FLNC: variants seen among roughly 807,000 people sequenced by gnomAD.
FLNC encodes filamin-C.
Under a neutral mutation model 254.3 loss-of-function variants are expected in FLNC, and 91 were observed. The observed-to-expected ratio is 0.36, with a 90% CI of 0.30 to 0.43. The LOEUF is 0.43. Among genes scored for constraint, FLNC ranks in the 20% least tolerant of loss-of-function variants. The pLI, the probability that FLNC is intolerant of heterozygous loss-of-function variation, is 1.00. For synonymous variants in FLNC, 1,430 were observed against 1,577.2 expected (o/e 0.91, Z 2.21); for missense variants, 2,853 against 3,802.6 (o/e 0.75, Z 6.57).
intron 38 of FLNC, 31 bp from the exon 39 acceptor site, chr7:128,853,684 G>T (rs547309366): frequency 1.9e-6 from 3 of 1,613,948 alleles, no homozygotes; most frequent in Admixed American, 1.7e-5. Flanking sequence ...GGGCTCTGAG[G>T]TTCCTGACCC....
In FLNC at chr7:128,856,701, G is replaced by A. The variant is rs1211859485; in HGVS notation, c.7385-44G>A. 3.7e-6 allele frequency: 6 copies of A among 1,613,972 alleles called. No individual in the cohort carries two copies. The highest frequency in any genetic ancestry group is 1.1e-5 in the South Asian group (1 of 91,082). On this transcript the variant is annotated intron_variant, in intron 44 of 47. Coordinates refer to ENST00000325888, the MANE Select transcript of FLNC (RefSeq NM_001458.5). The surrounding 1 kb of genome is among the most constrained non-coding windows in gnomAD (Gnocchi z 5.9). ...TCCCTTCCGGGCTGGGGCCTTCTGG[G>A]GAGGGGAAGGATGGAGGCTAAGCCA...
chr7:128,838,351 G>A lies in FLNC; in HGVS notation c.1132G>A (p.Val378Met). Reference protein sequence around the residue: ...VGMALGDANKVSARGPGLEPV... With the variant: ...VGMALGDANKMSARGPGLEPV... ...CATGGCCCTGGGAGATGCCAACAAG[G>A]TGTCAGCCCGTGGCCCTGGCCTGGA... The change falls in exon 7 of 48, where the codon GTG (valine) becomes ATG (methionine). Residue 378 changes from valine (V) to methionine (M), a missense_variant. Val to Met is a conservative substitution (Grantham distance 21). Transcript: ENST00000325888. 2 of 1,614,118 alleles carry A rather than the reference G, an allele frequency of 1.2e-6. No individual in the cohort carries two copies. The highest frequency in any genetic ancestry group is 1.7e-6 in the Non-Finnish European group (2 of 1,180,024).
intron 9 of FLNC, among the ~76,000 whole-genome samples, 191 bp from the exon 10 acceptor site, chr7:128,840,357 C>T (rs538058257): frequency 3.3e-5 from 5 of 152,312 alleles, no homozygotes; most frequent in East Asian, 1.9e-4. Flanking sequence ...TGATTCTCTC[C>T]ACCCTAAGTG....
intron 1 of FLNC, among the ~76,000 whole-genome samples, chr7:128,833,301 C>G (rs1002269359): frequency 6.6e-6 from 1 of 152,234 alleles, no homozygotes; most frequent in East Asian, 1.9e-4. Flanking sequence ...AGGCCCAGCC[C>G]TCTCCTCCCC....
Position 128,851,350 on chromosome 7 carries a change from T to A in FLNC, c.5658T>A (p.Asp1886Glu). 1 of 1,614,072 alleles carries A rather than the reference T, an allele frequency of 6.2e-7. No individual in the cohort carries two copies. Among genetic ancestry groups the A allele is most frequent in the Non-Finnish European group, 8.5e-7 (1 of 1,180,030 alleles). ...CCACCTTCACTATTGTCACCAAAGATGCTGGAGAAGGTGAGGGAGCTGCAG... is the reference window on the plus strand; with the variant it reads ...CCACCTTCACTATTGTCACCAAAGAAGCTGGAGAAGGTGAGGGAGCTGCAG... ...KPATFTIVTK[D>E]AGEGGLSLAV... Residue 1886 changes from aspartate (D) to glutamate (E), a missense_variant, in exon 34 of 48, where the codon GAT (aspartate) becomes GAA (glutamate). By Grantham distance (45) the Asp-to-Glu change is conservative. Coordinates refer to ENST00000325888, the MANE Select transcript of FLNC (RefSeq NM_001458.5).
At position 128,858,573 on chromosome 7, in the gene FLNC, C is replaced by G; in HGVS notation, c.*50C>G. Reference sequence around the variant, plus strand: ...CAGCCCCCACCTCCAGCCACACACACATTACACACACACACACACACACAC... The same window carrying G: ...CAGCCCCCACCTCCAGCCACACACAGATTACACACACACACACACACACAC... On this transcript the variant is annotated 3_prime_UTR_variant, in exon 48 of 48. Transcript: ENST00000325888. The surrounding 1 kb of genome is among the most constrained non-coding windows in gnomAD (Gnocchi z 6.7). 8.2e-7 allele frequency: 1 copy of G among 1,221,446 alleles called. No individual in the cohort carries two copies. The highest frequency in any genetic ancestry group is 1.2e-6 in the Non-Finnish European group (1 of 838,336). 75.7% of individuals were successfully genotyped at this position (1,221,446 alleles called of 1,614,324 possible).
At chr7:128,843,360 G>A (rs1562995732) in intron 17 of FLNC, 41 bp downstream of exon 17, 1 of 1,613,014 alleles carries the variant, frequency 6.2e-7, no homozygotes, top group East Asian at 2.2e-5. Context: ...TCGAGGTTGG[G>A]GTTAGGTGGC....
Position 128,858,688 on chromosome 7 carries a change from G to A in FLNC, c.*165G>A, listed in dbSNP as rs565280080. On this transcript the variant is annotated 3_prime_UTR_variant, in exon 48 of 48. Coordinates refer to ENST00000325888, the MANE Select transcript of FLNC (RefSeq NM_001458.5). This position sits in a 1 kb window ranked among gnomAD's most constrained non-coding sequence, Gnocchi z 6.7. Reference sequence around the variant, plus strand: ...GAAGGCCCAGCCTCCCCACCCCACCGCGCCCCAGGGGTTGGAGGACCTTGT... The same window carrying A: ...GAAGGCCCAGCCTCCCCACCCCACCACGCCCCAGGGGTTGGAGGACCTTGT... The A allele has an allele frequency of 1.3e-4, 85 of 645,644 alleles. No homozygotes were observed. Among genetic ancestry groups the A allele is most frequent in the Middle Eastern group, 1.3e-3 (3 of 2,400 alleles). 40.0% of individuals were successfully genotyped at this position (645,644 alleles called of 1,614,324 possible).
chr7:128,848,867 G>T lies in FLNC; in HGVS notation c.4812G>T (p.Pro1604=), dbSNP rs553400393. ...GCACGTACACTGTGTCCTACCTGCCGGACATGAGTGGCCGGTACACCATCA... is the reference window on the plus strand; with the variant it reads ...GCACGTACACTGTGTCCTACCTGCCTGACATGAGTGGCCGGTACACCATCA... ...GDGTYTVSYL[P]DMSGRYTITI... is the part of the protein sequence containing the mutation. Residue 1604 remains proline (P), a synonymous_variant, in exon 28 of 48, where the codon CCG becomes CCT. Transcript: ENST00000325888. 3 of 1,613,946 alleles carry T rather than the reference G, an allele frequency of 1.9e-6. No homozygotes were observed. The East Asian group carries it at 6.7e-5, about 36-fold the overall frequency.
intron 43 of FLNC, among the ~76,000 whole-genome samples, chr7:128,855,538 G>A (rs528151282): frequency 5.4e-4 from 83 of 152,360 alleles, no homozygotes; most frequent in African/African-American, 1.9e-3. Context: ...GCCTTTCTCA[G>A]GGTGTGTCTG....
chr7:128,840,180 G>A lies in FLNC; in HGVS notation c.1549+20G>A. Reference sequence around the variant, plus strand: ...GGCCAAGTGAGTGCCAGAGCCCAGGGTCGTGAGGGTGGGGCTGGGGGATCA... The same window carrying A: ...GGCCAAGTGAGTGCCAGAGCCCAGGATCGTGAGGGTGGGGCTGGGGGATCA... On this transcript the variant is annotated intron_variant, in intron 9 of 47. Coordinates refer to ENST00000325888, the MANE Select transcript of FLNC (RefSeq NM_001458.5). 2.5e-6 allele frequency: 4 copies of A among 1,613,134 alleles called. No homozygotes were observed. The highest frequency in any genetic ancestry group is 3.4e-6 in the Non-Finnish European group (4 of 1,179,956).
rs193159707 is a variant in FLNC at position 128,849,421 on chromosome 7, C to T, written c.5042C>T (p.Thr1681Met). 1.9e-5 allele frequency: 31 copies of T among 1,614,082 alleles called. No individual in the cohort carries two copies. The highest frequency in any genetic ancestry group is 1.3e-4 in the East Asian group (6 of 44,894). ...GCCGGTGAGGGGAAGGTGACATGCA[C>T]GGTGTCCACGCCGGATGGGGCAGAG... ...KAAGEGKVTC[T>M]VSTPDGAELD... Residue 1681 changes from threonine to methionine, a missense_variant, in exon 30 of 48, where the codon ACG (threonine) becomes ATG (methionine). Around this residue, in one of 10 missense-constraint regions of FLNC, gnomAD observed 258 missense variants for 312.3 expected, o/e 0.83. Transcript: ENST00000325888.
chr7:128,833,001 GT>G (rs898028027), intron 1 of FLNC, among the ~76,000 whole-genome samples: 3 of 152,180 alleles, frequency 2.0e-5, no homozygotes, highest in Non-Finnish European at 2.9e-5. Context: ...ACCTCAGGGG[GT>G]GTCAGAAAGA....
chr7:128,846,942 A>G, intron 24 of FLNC, 37 bp downstream of exon 24: 1 of 1,612,702 alleles, frequency 6.2e-7, no homozygotes, highest in Non-Finnish European at 8.5e-7. Context: ...CAGGGAAGAC[A>G]AGGGAGGGTG....
Position 128,857,204 on chromosome 7 carries a change from CTGGACTGTCGGGAG to C in FLNC, c.7651_7664del (p.Asp2551SerfsTer2). ...CATTGATGGCCCCTCCAAGGTGCAGCTGGACTGTCGGGAGTGTCCTGAGGGCCATGTGGTCACTT... is the reference window on the plus strand; with the variant it reads ...CATTGATGGCCCCTCCAAGGTGCAGCTGTCCTGAGGGCCATGTGGTCACTT... On this transcript the variant is annotated frameshift_variant, in exon 46 of 48. Coordinates refer to ENST00000325888, the MANE Select transcript of FLNC (RefSeq NM_001458.5). LOFTEE classifies it high-confidence loss of function. The surrounding 1 kb of genome is among the most constrained non-coding windows in gnomAD (Gnocchi z 4.5). 6.2e-7 allele frequency: 1 copy of C among 1,614,128 alleles called. No homozygotes were observed. The highest frequency in any genetic ancestry group is 8.5e-7 in the Non-Finnish European group (1 of 1,179,996).
chr7:128,832,465 G>C lies in FLNC; in HGVS notation c.352+1476G>C, dbSNP rs112189504. ...ACTGACTGTACCAGGTGGGGTCTGG[G>C]GGAAGAGCCGGAGGCTTCGGCAAGA... On this transcript the variant is annotated intron_variant, in intron 1 of 47. Coordinates refer to ENST00000325888, the MANE Select transcript of FLNC (RefSeq NM_001458.5). Among the ~76,000 whole-genome samples, 785 of 152,346 alleles carry C rather than the reference G, an allele frequency of 5.2e-3. 6 individuals carry two copies. The highest frequency in any genetic ancestry group is 0.018 in the African/African-American group (734 of 41,574).
At position 128,841,520 on chromosome 7, in the gene FLNC, A is replaced by G. The variant is rs1364055074; in HGVS notation, c.2074A>G (p.Ile692Val). The change falls in exon 13 of 48, where the codon ATT (isoleucine) becomes GTT (valine). Residue 692 changes from isoleucine (I) to valine (V), a missense_variant. Physicochemically the swap from Ile to Val is conservative, Grantham distance 29. Transcript: ENST00000325888. The surrounding 1 kb of genome is among the most constrained non-coding windows in gnomAD (Gnocchi z 4.3). Reference protein sequence around the residue: ...CIVDKPAEFTIDARAAGKGDL... With the variant: ...CIVDKPAEFTVDARAAGKGDL... ...CGTGGACAAGCCCGCTGAGTTCACC[A>G]TTGATGCTCGTGCAGCTGGCAAGGG... 1 of 1,614,154 alleles carries G rather than the reference A, an allele frequency of 6.2e-7. No homozygotes were observed. Among genetic ancestry groups the G allele is most frequent in the Admixed American group, 1.7e-5 (1 of 60,032 alleles).
Position 128,851,254 on chromosome 7 carries a change from G to A in FLNC, c.5562G>A (p.Val1854=), listed in dbSNP as rs1808799050. 1 of 1,614,032 alleles carries A rather than the reference G, an allele frequency of 6.2e-7. No individual in the cohort carries two copies. The highest frequency in any genetic ancestry group is 8.5e-7 in the Non-Finnish European group (1 of 1,180,002). ...HIPGSPLQFY[V]DAINSRHVSA... Reference sequence around the variant, plus strand: ...CAGGGAGCCCCTTACAGTTCTATGTGGATGCCATCAACAGCCGCCATGTCA... The same window carrying A: ...CAGGGAGCCCCTTACAGTTCTATGTAGATGCCATCAACAGCCGCCATGTCA... The change falls in exon 34 of 48, where the codon GTG becomes GTA. Residue 1854 remains valine, a synonymous_variant. Transcript: ENST00000325888.
rs979412217 is a variant in FLNC, at chr7:128,853,572, G to A, written c.6312G>A (p.Glu2104=). ...GTCKVTYCPT[E]PGTYIINIKF... ...GCAAAGTCACCTACTGCCCCACCGA[G>A]CCCGGCACCTACATCATCAACATCA... The change falls in exon 38 of 48, where the codon GAG becomes GAA. Residue 2104 remains glutamate (E), a synonymous_variant. Transcript: ENST00000325888. The A allele has an allele frequency of 9.3e-6, 15 of 1,614,046 alleles. No homozygotes were observed. The African/African-American group carries it at 1.7e-4, about 19-fold the overall frequency.
Sources: gnomAD v4.1 joint callset for allele counts (sites outside exome capture counted in the v4.1 genomes callset) on GRCh38, gnomAD v4.1.1 for gene constraint, gnomAD v4.1.1 regional missense constraint, Gnocchi (gnomAD v3.1) non-coding constraint, MANE v1.5 for transcripts, NCBI Gene and HGNC (gene_info 2026-07-23, HGNC 2026-07-21) for gene names.